MID1IP1: variants seen among roughly 807,000 people sequenced by gnomAD.
MID1IP1 encodes the protein mid1-interacting protein 1.
MID1IP1 carries 3 observed loss-of-function variants against 6.8 expected under a neutral mutation model. The observed-to-expected ratio is 0.44, with a 90% CI of 0.20 to 1.14. The LOEUF is 1.14. MID1IP1 is among the 50% of genes most tolerant of loss of function. The probability of loss-of-function intolerance (pLI) is 0.26; values close to 1 mark genes in which losing one functional copy is unlikely to be tolerated. For synonymous variants in MID1IP1, 87 were observed against 70.4 expected (o/e 1.24, Z -1.18); for missense variants, 127 against 158.4 (o/e 0.80, Z 1.06).
At chrX:38,801,796 G>A (rs1457918174) in intron 1 of MID1IP1, 2 of 111,311 alleles carry the variant, frequency 1.8e-5, no homozygotes, top group Non-Finnish European at 3.8e-5. Context: ...GTTGGAACTG[G>A]GAAGAAGAGA....
At position 38,805,564 on chromosome X, in the gene MID1IP1, CT is replaced by C. The variant is rs752177738; in HGVS notation, c.*79del. ...TCTCACCCTCTCTCATTCCTCAAAG[CT>C]TTTTTTTTTTTTCCTGGCTGGGGGG... On this transcript the variant is annotated 3_prime_UTR_variant, in exon 3 of 3. Coordinates refer to ENST00000614558, the MANE Select transcript of MID1IP1 (RefSeq NM_021242.6). The C allele has an allele frequency of 0.19, 130,654 of 686,410 alleles. 1 individual carries two copies. Among genetic ancestry groups the C allele is most frequent in the East Asian group, 0.2 (4,300 of 21,560 alleles). 56.6% of individuals were successfully genotyped at this position (686,410 alleles called of 1,213,427 possible). A position where few individuals can be genotyped will look rare whatever the true frequency, so the allele number is the denominator to read the frequency against.
rs1167733903 is a variant in MID1IP1 at position 38,803,421 on chromosome X, C to CA, written c.-1256dup. 1 of 113,337 alleles carries CA rather than the reference C, an allele frequency of 8.8e-6. No individual in the cohort carries two copies. The highest frequency in any genetic ancestry group is 9.2e-5 in the Admixed American group (1 of 10,863). 9.3% of individuals were successfully genotyped at this position (113,337 alleles called of 1,213,427 possible). Reference sequence around the variant, plus strand: ...TGGCCTCTTGGCAGCCAAAAGGCCACATGGCCCAGGCTCTCCAGCATCACT... The same window carrying CA: ...TGGCCTCTTGGCAGCCAAAAGGCCACAATGGCCCAGGCTCTCCAGCATCACT... On this transcript the variant is annotated 5_prime_UTR_variant, in exon 2 of 3. The change creates a new upstream start codon in the 5' untranslated region. Coordinates refer to ENST00000614558, the MANE Select transcript of MID1IP1 (RefSeq NM_021242.6).
rs1212677116 is a variant in MID1IP1, at chrX:38,806,205, C to T, written c.*707C>T. The T allele has an allele frequency of 8.8e-6, 1 of 113,245 alleles. No individual in the cohort carries two copies. The highest frequency in any genetic ancestry group is 2.0e-5 in the Non-Finnish European group (1 of 49,693). The allele number at this position is 113,245 out of a possible 1,213,427, so 9.3% of individuals were successfully genotyped here. A position where few individuals can be genotyped will look rare whatever the true frequency, so the allele number is the denominator to read the frequency against. ...CGTGCCACTCCCGTCCCCACCCCCA[C>T]CCCAGTGTGTATAAGCTGGCATTTC... is the stretch of plus-strand genomic sequence containing the variant. On this transcript the variant is annotated 3_prime_UTR_variant, in exon 3 of 3. Transcript: ENST00000614558.
rs904958651 is a variant in MID1IP1 at position 38,803,162 on chromosome X, T to A, written c.-1516T>A. 8.9e-6 allele frequency: 1 copy of A among 112,761 alleles called. No homozygotes were observed. The highest frequency in any genetic ancestry group is 1.9e-5 in the Non-Finnish European group (1 of 53,347). 9.3% of individuals were successfully genotyped at this position (112,761 alleles called of 1,213,427 possible). ...GGGACATGAGATGGGAAAAATTAAA[T>A]AGGCTGTGGTTTGGAAGTCTCAAAG... On this transcript the variant is annotated 5_prime_UTR_variant, in exon 2 of 3. An upstream open reading frame in the 5' UTR loses its in-frame stop. Transcript: ENST00000614558.
In MID1IP1 at chrX:38,804,924, G is replaced by C. The variant is rs1414587394; in HGVS notation, c.-23G>C. The stretch of plus-strand genomic sequence containing the variant: ...CATCCCCGTGCCCCTGCGTCCCTGC[G>C]CTCCAACGTCCGCGCGGCCACCATG... On this transcript the variant is annotated 5_prime_UTR_variant, in exon 3 of 3. Transcript: ENST00000614558. 8.6e-7 allele frequency: 1 copy of C among 1,159,031 alleles called. No individual in the cohort carries two copies. The highest frequency in any genetic ancestry group is 2.0e-5 in the South Asian group (1 of 49,868).
rs1427639654 is a variant in MID1IP1 at position 38,805,072 on chromosome X, C to T, written c.126C>T (p.Pro42=). 2 of 1,211,618 alleles carry T rather than the reference C, an allele frequency of 1.7e-6. No individual in the cohort carries two copies. The highest frequency in any genetic ancestry group is 2.2e-6 in the Non-Finnish European group (2 of 895,258). The change falls in exon 3 of 3, where the codon CCC becomes CCT. Residue 42 remains proline, a synonymous_variant. Transcript: ENST00000614558. Reference sequence around the variant, plus strand: ...TGCCCAGCTTGCTGCGCGACGTGCCCCTGGCTGACCCCGGGTTAGACAACG... The same window carrying T: ...TGCCCAGCTTGCTGCGCGACGTGCCTCTGGCTGACCCCGGGTTAGACAACG... ...VMVPSLLRDV[P]LADPGLDNDV...
Position 38,802,751 on chromosome X carries a change from CTTTT to C in MID1IP1, c.-1918_-1915del, listed in dbSNP as rs201120053. 1.9e-5 allele frequency: 2 copies of C among 104,368 alleles called. No homozygotes were observed. Among genetic ancestry groups the C allele is most frequent in the Non-Finnish European group, 4.0e-5 (2 of 50,185 alleles). The allele number at this position is 104,368 out of a possible 1,213,427, so 8.6% of individuals were successfully genotyped here. A position where few individuals can be genotyped will look rare whatever the true frequency, so the allele number is the denominator to read the frequency against. ...CTGTTAAGTTTTAGAGAAAAGGGAT[CTTTT>C]TTTTTTTTATTTGAGACAGAGTCTT... is the stretch of plus-strand genomic sequence containing the variant. On this transcript the variant is annotated 5_prime_UTR_variant, in exon 2 of 3. Transcript: ENST00000614558.
Position 38,803,412 on chromosome X carries a change from A to C in MID1IP1, c.-1266A>C, listed in dbSNP as rs190654949. The C allele has an allele frequency of 1.1e-4, 12 of 113,351 alleles. No individual in the cohort carries two copies. The East Asian group carries it at 3.3e-3, about 32-fold the overall frequency. The allele number at this position is 113,351 out of a possible 1,213,427, so 9.3% of individuals were successfully genotyped here. On this transcript the variant is annotated 5_prime_UTR_variant, in exon 2 of 3. Transcript: ENST00000614558. ...ACCCTCTCCTGGCCTCTTGGCAGCC[A>C]AAAGGCCACATGGCCCAGGCTCTCC...
In MID1IP1 at chrX:38,806,457, G is replaced by A. The variant is rs1034900972; in HGVS notation, c.*959G>A. The A allele has an allele frequency of 1.6e-5, 2 of 122,980 alleles. No individual in the cohort carries two copies. The highest frequency in any genetic ancestry group is 6.5e-5 in the African/African-American group (2 of 30,637). 10.1% of individuals were successfully genotyped at this position (122,980 alleles called of 1,213,427 possible). A position where few individuals can be genotyped will look rare whatever the true frequency, so the allele number is the denominator to read the frequency against. On this transcript the variant is annotated 3_prime_UTR_variant, in exon 3 of 3. Transcript: ENST00000614558. Reference sequence around the variant, plus strand: ...AATGTGTCAACTAAATTGGACAAGCGTCTGGTCCTCATTAATCTGCCAATG... The same window carrying A: ...AATGTGTCAACTAAATTGGACAAGCATCTGGTCCTCATTAATCTGCCAATG...
Position 38,804,965 on chromosome X carries a change from A to T in MID1IP1, c.19A>T (p.Thr7Ser). The change falls in exon 3 of 3, where the codon ACC becomes TCC. Residue 7 changes from threonine to serine, a missense_variant. Transcript: ENST00000614558. MMQICD[T>S]YNQKHSLFNA... is the part of the protein sequence containing the mutation. ...GGCCACCATGATGCAAATCTGCGAC[A>T]CCTACAACCAGAAGCACTCGCTCTT... is the stretch of plus-strand genomic sequence containing the variant. 8.5e-7 allele frequency: 1 copy of T among 1,175,333 alleles called. No individual in the cohort carries two copies. The highest frequency in any genetic ancestry group is 1.1e-6 in the Non-Finnish European group (1 of 873,419).
chrX:38,805,025 A>G lies in MID1IP1; in HGVS notation c.79A>G (p.Asn27Asp), dbSNP rs1202822970. The change falls in exon 3 of 3, where the codon AAC (asparagine) becomes GAC (aspartate). Residue 27 changes from asparagine (N) to aspartate (D), a missense_variant. Transcript: ENST00000614558. Reference sequence around the variant, plus strand: ...GAATCGCTTCATTGGCGCCGTGAACAACATGGACCAGACGGTGATGGTGCC... The same window carrying G: ...GAATCGCTTCATTGGCGCCGTGAACGACATGGACCAGACGGTGATGGTGCC... The part of the protein sequence containing the change: ...AMNRFIGAVN[N>D]MDQTVMVPSL... 2 of 1,208,815 alleles carry G rather than the reference A, an allele frequency of 1.7e-6. No individual in the cohort carries two copies. Among genetic ancestry groups the G allele is most frequent in the Admixed American group, 4.4e-5 (2 of 45,909 alleles).
At chrX:38,801,954 A>G (rs749415789) in intron 1 of MID1IP1, among the ~76,000 whole-genome samples, 243 of 112,139 alleles carry the variant, frequency 2.2e-3, no homozygotes, top group African/African-American at 7.5e-3. Context: ...TAGAAACTGT[A>G]TATCTGTTTT....
Position 38,803,223 on chromosome X carries a change from C to A in MID1IP1, c.-1455C>A, listed in dbSNP as rs1007111702. 3 of 112,624 alleles carry A rather than the reference C, an allele frequency of 2.7e-5. No individual in the cohort carries two copies. The highest frequency in any genetic ancestry group is 9.7e-5 in the African/African-American group (3 of 30,917). 9.3% of individuals were successfully genotyped at this position (112,624 alleles called of 1,213,427 possible). A position where few individuals can be genotyped will look rare whatever the true frequency, so the allele number is the denominator to read the frequency against. ...GGTGCAAGGCTCTTAAAAGTTAAATCCAGCGATTCGGTACATAGCTTAGGC... is the reference window on the plus strand; with the variant it reads ...GGTGCAAGGCTCTTAAAAGTTAAATACAGCGATTCGGTACATAGCTTAGGC... On this transcript the variant is annotated 5_prime_UTR_variant, in exon 2 of 3. Coordinates refer to ENST00000614558, the MANE Select transcript of MID1IP1 (RefSeq NM_021242.6).
rs1164455442 is a variant in MID1IP1 at position 38,804,784 on chromosome X, G to C, written c.-163G>C. 1.9e-6 allele frequency: 1 copy of C among 525,378 alleles called. No individual in the cohort carries two copies. The highest frequency in any genetic ancestry group is 4.3e-5 in the South Asian group (1 of 23,506). 43.3% of individuals were successfully genotyped at this position (525,378 alleles called of 1,213,427 possible). ...CGCAGGGCCGGTCTGCCAGCGAGACGAGAGTTGGCGAGGGCGGAGGAGTGC... is the reference window on the plus strand; with the variant it reads ...CGCAGGGCCGGTCTGCCAGCGAGACCAGAGTTGGCGAGGGCGGAGGAGTGC... On this transcript the variant is annotated 5_prime_UTR_variant, in exon 3 of 3. Coordinates refer to ENST00000614558, the MANE Select transcript of MID1IP1 (RefSeq NM_021242.6).
In MID1IP1 at chrX:38,804,918, C is replaced by T. The variant is rs2070498406; in HGVS notation, c.-29C>T. 3 of 1,155,972 alleles carry T rather than the reference C, an allele frequency of 2.6e-6. No individual in the cohort carries two copies. The highest frequency in any genetic ancestry group is 2.3e-6 in the Non-Finnish European group (2 of 864,546). ...GCCGACCATCCCCGTGCCCCTGCGT[C>T]CCTGCGCTCCAACGTCCGCGCGGCC... is the stretch of plus-strand genomic sequence containing the variant. On this transcript the variant is annotated 5_prime_UTR_variant, in exon 3 of 3. Transcript: ENST00000614558.
In MID1IP1 at chrX:38,804,872, G is replaced by A; in HGVS notation, c.-75G>A. The A allele has an allele frequency of 9.4e-7, 1 of 1,063,695 alleles. No homozygotes were observed. The highest frequency in any genetic ancestry group is 1.3e-6 in the Non-Finnish European group (1 of 797,019). The allele number at this position is 1,063,695 out of a possible 1,213,427, so 87.7% of individuals were successfully genotyped here. A position where few individuals can be genotyped will look rare whatever the true frequency, so the allele number is the denominator to read the frequency against. ...GCGCGGGCCTTGGAGAGCGCGTGAA[G>A]GCGGGCATCCCCTTGACCCGGCCGA... On this transcript the variant is annotated 5_prime_UTR_variant, in exon 3 of 3. Transcript: ENST00000614558.
rs1170396509 is a variant in MID1IP1 at position 38,803,489 on chromosome X, C to G, written c.-1189C>G. The stretch of plus-strand genomic sequence containing the variant: ...AAAAATGGACTTCTCCCCATTGCCA[C>G]TTGCAGATCTCTTCAAAGAATCAGC... On this transcript the variant is annotated 5_prime_UTR_variant, in exon 2 of 3. Coordinates refer to ENST00000614558, the MANE Select transcript of MID1IP1 (RefSeq NM_021242.6). 1 of 113,066 alleles carries G rather than the reference C, an allele frequency of 8.8e-6. No homozygotes were observed. The highest frequency in any genetic ancestry group is 1.9e-5 in the Non-Finnish European group (1 of 53,400). 9.3% of individuals were successfully genotyped at this position (113,066 alleles called of 1,213,427 possible).
In MID1IP1 at chrX:38,804,796, G is replaced by A. The variant is rs999967788; in HGVS notation, c.-151G>A. 1 of 575,465 alleles carries A rather than the reference G, an allele frequency of 1.7e-6. No homozygotes were observed. Among genetic ancestry groups the A allele is most frequent in the African/African-American group, 2.3e-5 (1 of 43,658 alleles). The allele number at this position is 575,465 out of a possible 1,213,427, so 47.4% of individuals were successfully genotyped here. A position where few individuals can be genotyped will look rare whatever the true frequency, so the allele number is the denominator to read the frequency against. ...CTGCCAGCGAGACGAGAGTTGGCGA[G>A]GGCGGAGGAGTGCCGGGAATCCCGC... On this transcript the variant is annotated 5_prime_UTR_variant, in exon 3 of 3. Coordinates refer to ENST00000614558, the MANE Select transcript of MID1IP1 (RefSeq NM_021242.6).
In MID1IP1 at chrX:38,805,921, G is replaced by A. The variant is rs2070514778; in HGVS notation, c.*423G>A. The A allele has an allele frequency of 6.7e-6, 1 of 148,855 alleles. No individual in the cohort carries two copies. The highest frequency in any genetic ancestry group is 3.1e-5 in the African/African-American group (1 of 31,827). The allele number at this position is 148,855 out of a possible 1,213,427, so 12.3% of individuals were successfully genotyped here. Reference sequence around the variant, plus strand: ...GGTGCTGGGGAAGGCGGGGCGCGTAGCCTCCCGCCGCCCTGCGGTTGGGCC... The same window carrying A: ...GGTGCTGGGGAAGGCGGGGCGCGTAACCTCCCGCCGCCCTGCGGTTGGGCC... On this transcript the variant is annotated 3_prime_UTR_variant, in exon 3 of 3. Coordinates refer to ENST00000614558, the MANE Select transcript of MID1IP1 (RefSeq NM_021242.6).
Sources: allele counts gnomAD v4.1 joint callset (sites outside exome capture counted in the v4.1 genomes callset), GRCh38; gene constraint gnomAD v4.1.1; transcripts MANE v1.5; gene names NCBI Gene and HGNC (gene_info 2026-07-23, HGNC 2026-07-21).